The following KDM4C variants were observed in gnomAD, a reference collection of about 807,000 sequenced individuals.
KDM4C encodes lysine demethylase 4C, also known as lysine-specific demethylase 4C.
A neutral mutation model predicts 129.3 loss-of-function variants in KDM4C; 81 were observed. That is an observed-to-expected ratio of 0.63 (90% CI 0.52 to 0.75). KDM4C has a LOEUF of 0.75. KDM4C is among the 30% of genes least tolerant of loss of function. The pLI, the probability that KDM4C is intolerant of heterozygous loss-of-function variation, is 0.00. For synonymous variants in KDM4C, 573 were observed against 456.1 expected, an observed-to-expected ratio of 1.26 and a Z score of -3.26; for missense variants, 1,457 against 1,304.0, an observed-to-expected ratio of 1.12 and a Z score of -1.81.
chr9:6,977,621 G>A (rs924116760), intron 8 of KDM4C, among the ~76,000 whole-genome samples: 16 of 152,148 alleles, frequency 1.1e-4, no homozygotes, highest in African/African-American at 3.9e-4. Flanking sequence ...CACCTGGGCA[G>A]TATTAATTCA....
At chr9:7,161,879 A>C (rs1843836529) in intron 19 of KDM4C, among the ~76,000 whole-genome samples, 1 of 152,200 alleles carries the variant, frequency 6.6e-6, no homozygotes, top group Non-Finnish European at 1.5e-5. Flanking sequence ...TATACCCCAC[A>C]TAGTCATAGG....
At chr9:7,081,949 G>A (rs926239297) in intron 17 of KDM4C, among the ~76,000 whole-genome samples, 5 of 152,068 alleles carry the variant, frequency 3.3e-5, no homozygotes, top group Admixed American at 6.5e-5. Flanking sequence ...GCTAGTTGCC[G>A]GCTAATGGAC....
At chr9:6,886,085 C>T (rs561332945) in intron 6 of KDM4C, among the ~76,000 whole-genome samples, 2 of 152,256 alleles carry the variant, frequency 1.3e-5, no homozygotes, top group South Asian at 4.1e-4. Flanking sequence ...AAAACGTTCC[C>T]ATGGATTGTG....
At chr9:6,721,237 CT>C (rs35919506) in intron 1 of KDM4C, 1,385 of 90,644 alleles carry the variant, frequency 0.015, 13 homozygotes, top group East Asian at 0.048. Context: ...CTATGCCTGG[CT>C]TTTTTTTTTT....
intron 21 of KDM4C, among the ~76,000 whole-genome samples, chr9:7,172,029 G>C (rs1474047608): frequency 6.6e-6 from 1 of 152,078 alleles, no homozygotes; most frequent in Non-Finnish European, 1.5e-5. Context: ...TCTCCCCTGG[G>C]TTGGTACATA....
In KDM4C at chr9:7,018,355, A is replaced by T. The variant is rs117344118; in HGVS notation, c.2259+2426A>T. On this transcript the variant is annotated intron_variant, in intron 15 of 21. Coordinates refer to ENST00000381309, the MANE Select transcript of KDM4C (RefSeq NM_015061.6). ...TTTGACCAAAATGTCTTTATGTGAC[A>T]CATGACCATATTTCCTTTCATGTGA... 2.4e-3 allele frequency among the ~76,000 whole-genome samples: 371 copies of T among 152,358 alleles called. 8 individuals are homozygous for T. In the East Asian group the frequency reaches 0.026, roughly 11 times the overall value.
chr9:6,804,440 G>A (rs1025181557), intron 2 of KDM4C, among the ~76,000 whole-genome samples: 4 of 152,122 alleles, frequency 2.6e-5, no homozygotes, highest in Admixed American at 6.6e-5. Context: ...CTGTGCTATC[G>A]CCATATTGTG....
At chr9:6,996,202 GCTT>G (rs1819715594) in intron 12 of KDM4C, among the ~76,000 whole-genome samples, 1 of 152,196 alleles carries the variant, frequency 6.6e-6, no homozygotes, top group Non-Finnish European at 1.5e-5. Flanking sequence ...GCCATGGCAA[GCTT>G]CTTCTCACTA....
At chr9:6,721,458 AT>A (rs773885111) in intron 1 of KDM4C, among the ~76,000 whole-genome samples, 4 of 150,638 alleles carry the variant, frequency 2.7e-5, no homozygotes, top group Non-Finnish European at 5.9e-5. Flanking sequence ...TAATTTTTGT[AT>A]TTTTAGTAGA....
At chr9:6,844,714 G>A (rs1305752660) in intron 4 of KDM4C, among the ~76,000 whole-genome samples, 9 of 152,030 alleles carry the variant, frequency 5.9e-5, no homozygotes, top group Non-Finnish European at 1.0e-4. Context: ...TTGAGATGGA[G>A]TCTCGCTTTG....
intron 8 of KDM4C, among the ~76,000 whole-genome samples, chr9:6,927,980 A>T (rs1026863653): frequency 1.3e-5 from 2 of 152,184 alleles, no homozygotes; most frequent in African/African-American, 4.8e-5. Context: ...CCTTCTTGAG[A>T]ACATTCTTAT....
intron 5 of KDM4C, among the ~76,000 whole-genome samples, chr9:6,859,853 A>G (rs1417494188): frequency 6.8e-6 from 1 of 147,516 alleles, no homozygotes; most frequent in African/African-American, 2.5e-5. Flanking sequence ...CGACACAGCG[A>G]GACTCCGTCT....
intron 7 of KDM4C, among the ~76,000 whole-genome samples, chr9:6,888,581 T>C (rs1049486894): frequency 6.6e-6 from 1 of 152,190 alleles, no homozygotes; most frequent in Non-Finnish European, 1.5e-5. Context: ...TAAAACTCAG[T>C]AGATGCTGGA....
chr9:6,952,367 C>T (rs1828303871), intron 8 of KDM4C, among the ~76,000 whole-genome samples: 1 of 150,360 alleles, frequency 6.7e-6, no homozygotes, highest in South Asian at 2.1e-4. Context: ...TGTTGTTAGG[C>T]CAATACTTAC....
intron 4 of KDM4C, among the ~76,000 whole-genome samples, chr9:6,815,417 A>G (rs7863580): frequency 0.018 from 2,747 of 152,108 alleles, 91 homozygotes; most frequent in African/African-American, 0.062. Flanking sequence ...GTCTCAGTAT[A>G]TTGCCCTGGC....
At chr9:6,880,191 A>T (rs1331845874) in intron 6 of KDM4C, 130 bp downstream of exon 6, 2 of 453,934 alleles carry the variant, frequency 4.4e-6, no homozygotes, top group Admixed American at 4.0e-5. Context: ...CAAGTTATTG[A>T]CTTTTACATG....
chr9:7,168,705 G>A (rs1334591804), intron 20 of KDM4C, among the ~76,000 whole-genome samples: 3 of 152,084 alleles, frequency 2.0e-5, no homozygotes, highest in South Asian at 2.1e-4. Flanking sequence ...AATTTGACAC[G>A]TGAATTTTGA....
intron 19 of KDM4C, among the ~76,000 whole-genome samples, chr9:7,143,992 T>C (rs1841996610): frequency 1.3e-5 from 2 of 152,248 alleles, no homozygotes; most frequent in Non-Finnish European, 1.5e-5. Context: ...AAAGTATTTC[T>C]AGAATGGCAT....
chr9:7,073,200 C>T (rs1211836214), intron 17 of KDM4C, among the ~76,000 whole-genome samples: 3 of 152,224 alleles, frequency 2.0e-5, no homozygotes, highest in South Asian at 4.2e-4. Flanking sequence ...TAGAATGTTC[C>T]GATCTAACAT....
Sources: gnomAD v4.1 joint callset for allele counts (sites outside exome capture counted in the v4.1 genomes callset) on GRCh38, gnomAD v4.1.1 for gene constraint, MANE v1.5 for transcripts, NCBI Gene and HGNC (gene_info 2026-07-23, HGNC 2026-07-21) for gene names.